The following TBL1XR1 variants were observed in gnomAD, a reference collection of about 807,000 sequenced individuals.
The protein encoded by TBL1XR1 is F-box-like/WD repeat-containing protein TBL1XR1.
TBL1XR1 carries 5 observed loss-of-function variants against 66.9 expected under a neutral mutation model. The ratio of observed to expected loss-of-function variants is 0.07; its 90% CI spans 0.04 to 0.16. The LOEUF (loss-of-function observed/expected upper bound fraction) is 0.16, where lower values mean the gene tolerates loss of function less well. Among genes scored for constraint, TBL1XR1 ranks in the 10% least tolerant of loss-of-function variants. The probability of loss-of-function intolerance (pLI) is 1.00; values close to 1 mark genes in which losing one functional copy is unlikely to be tolerated. For synonymous variants in TBL1XR1, 210 were observed against 206.0 expected (o/e 1.02, Z -0.17); for missense variants, 238 against 623.2 (o/e 0.38, Z 6.58).
intron 1 of TBL1XR1, among the ~76,000 whole-genome samples, chr3:177,139,804 A>G (rs1012791895): frequency 6.6e-6 from 1 of 152,204 alleles, no homozygotes; most frequent in African/African-American, 2.4e-5. Flanking sequence ...AGAATGATTC[A>G]GTTGTCAAAC....
At chr3:177,044,041 C>G (rs1715982679) in intron 10 of TBL1XR1, among the ~76,000 whole-genome samples, 1 of 152,086 alleles carries the variant, frequency 6.6e-6, no homozygotes. Context: ...GCTCTGTCAC[C>G]ACACCCTCTT....
chr3:177,132,548 G>A (rs1478000294), intron 1 of TBL1XR1, among the ~76,000 whole-genome samples: 4 of 152,128 alleles, frequency 2.6e-5, no homozygotes, highest in African/African-American at 7.2e-5. Flanking sequence ...GAGATGGGGG[G>A]AAAGAAAGGT....
chr3:177,138,314 G>A (rs1002326439), intron 1 of TBL1XR1, among the ~76,000 whole-genome samples: 2 of 152,176 alleles, frequency 1.3e-5, no homozygotes, highest in Non-Finnish European at 2.9e-5. Flanking sequence ...GTGGGCATTC[G>A]CTGGGTGCAA....
chr3:177,162,102 A>T (rs1240155824), intron 1 of TBL1XR1, among the ~76,000 whole-genome samples: 2 of 152,238 alleles, frequency 1.3e-5, no homozygotes, highest in Non-Finnish European at 2.9e-5. Flanking sequence ...TTCATTTCTA[A>T]TACACCAAAA....
At chr3:177,130,523 T>C (rs1185897211) in intron 1 of TBL1XR1, among the ~76,000 whole-genome samples, 4 of 152,170 alleles carry the variant, frequency 2.6e-5, no homozygotes, top group Non-Finnish European at 5.9e-5. Flanking sequence ...TTACGTACTT[T>C]TCTGTATATA....
intron 1 of TBL1XR1, among the ~76,000 whole-genome samples, chr3:177,118,621 G>C (rs1357453556): frequency 1.3e-5 from 2 of 152,196 alleles, no homozygotes; most frequent in Non-Finnish European, 2.9e-5. Context: ...ATGTAATGCT[G>C]TCAAATATCA....
At chr3:177,083,554 TTCGA>T (rs1464436144) in intron 2 of TBL1XR1, among the ~76,000 whole-genome samples, 3 of 152,224 alleles carry the variant, frequency 2.0e-5, no homozygotes, top group Non-Finnish European at 2.9e-5. Context: ...GGAATCTGAC[TTCGA>T]GAAATATCAT....
chr3:177,094,828 G>T (rs966728926), intron 2 of TBL1XR1, among the ~76,000 whole-genome samples: 2 of 151,982 alleles, frequency 1.3e-5, no homozygotes, highest in Admixed American at 1.3e-4. Flanking sequence ...GGGAAAGGGT[G>T]GGGGATGGAG....
intron 1 of TBL1XR1, among the ~76,000 whole-genome samples, chr3:177,142,628 T>C (rs953054118): frequency 2.0e-5 from 3 of 152,210 alleles, no homozygotes; most frequent in East Asian, 1.9e-4. Flanking sequence ...TATTGAACTA[T>C]ACATTTTTTA....
At chr3:177,091,338 A>G (rs752974349) in intron 2 of TBL1XR1, among the ~76,000 whole-genome samples, 5 of 152,134 alleles carry the variant, frequency 3.3e-5, no homozygotes, top group Non-Finnish European at 5.9e-5. Flanking sequence ...TGTACTTTAT[A>G]TGTCATTTAT....
At chr3:177,079,757 G>A (rs1721166848) in intron 2 of TBL1XR1, 1 of 150,798 alleles carries the variant, frequency 6.6e-6, no homozygotes, top group East Asian at 1.9e-4. Context: ...AGACAAGAAT[G>A]AGGACTAGTA....
At chr3:177,070,277 T>C (rs1719796662) in intron 2 of TBL1XR1, among the ~76,000 whole-genome samples, 1 of 152,176 alleles carries the variant, frequency 6.6e-6, no homozygotes, top group Non-Finnish European at 1.5e-5. Context: ...ACTTCCTAAA[T>C]GTATAAAAGT....
intron 1 of TBL1XR1, among the ~76,000 whole-genome samples, chr3:177,114,418 AAGATCCT>A (rs1244940754): frequency 2.0e-5 from 3 of 151,936 alleles, no homozygotes; most frequent in Non-Finnish European, 2.9e-5. Context: ...CCAAGTTCAA[AAGATCCT>A]CTTGACTCAG....
At chr3:177,027,421 G>C (rs1466908391) in intron 14 of TBL1XR1, 2 of 152,198 alleles carry the variant, frequency 1.3e-5, no homozygotes, top group African/African-American at 4.8e-5. Context: ...TTATTATTCA[G>C]CTGCTACTGA....
chr3:177,089,030 C>T (rs532708137), intron 2 of TBL1XR1, among the ~76,000 whole-genome samples: 14 of 152,242 alleles, frequency 9.2e-5, no homozygotes, highest in African/African-American at 3.1e-4. Context: ...TTCTCGGCAG[C>T]GACCTGTTGG....
chr3:177,106,523 G>C (rs1486604544), intron 1 of TBL1XR1, among the ~76,000 whole-genome samples: 2 of 152,160 alleles, frequency 1.3e-5, no homozygotes, highest in Non-Finnish European at 2.9e-5. Flanking sequence ...TTAAGAGCCT[G>C]GAATTGTGGA....
At chr3:177,181,345 T>C (rs913513879) in intron 1 of TBL1XR1, among the ~76,000 whole-genome samples, 1 of 151,882 alleles carries the variant, frequency 6.6e-6, no homozygotes, top group Admixed American at 6.6e-5. Context: ...CCAGGTGTGG[T>C]GGCACACGCC....
At chr3:177,162,412 T>C (rs1732326506) in intron 1 of TBL1XR1, among the ~76,000 whole-genome samples, 1 of 152,214 alleles carries the variant, frequency 6.6e-6, no homozygotes, top group Non-Finnish European at 1.5e-5. Flanking sequence ...CTCAATTTTG[T>C]TGGTAGTTAC....
In TBL1XR1 at chr3:177,169,683, A is replaced by G. The variant is rs539144278; in HGVS notation, c.-122+27438T>C. ...CAAGACAAACTGCACCCATACCCAT[A>G]TAACTGTTTCCAAACACTAATCCCT... On this transcript the variant is annotated intron_variant, in intron 1 of 15. Transcript: ENST00000457928. Among the ~76,000 whole-genome samples the G allele has an allele frequency of 3.5e-4, 53 of 152,358 alleles. No individual in the cohort carries two copies. In the South Asian group the frequency reaches 0.01, roughly 30 times the overall value.
Sources: gnomAD v4.1 joint callset for allele counts (sites outside exome capture counted in the v4.1 genomes callset) on GRCh38, gnomAD v4.1.1 for gene constraint, MANE v1.5 for transcripts, NCBI Gene and HGNC (gene_info 2026-07-23, HGNC 2026-07-21) for gene names.